AK8: variants seen among roughly 807,000 people sequenced by gnomAD.
AK8 encodes adenylate kinase 8, also known as ATP-AMP transphosphorylase 8.
In AK8, 44 loss-of-function variants were observed where a neutral mutation model predicts 54.6. The observed-to-expected ratio is 0.81, with a 90% CI of 0.63 to 1.04. The LOEUF (loss-of-function observed/expected upper bound fraction) is 1.04, where lower values mean the gene tolerates loss of function less well. Among genes scored for constraint, AK8 ranks in the 50% least tolerant of loss-of-function variants. The pLI, the probability that AK8 is intolerant of heterozygous loss-of-function variation, is 0.00. For synonymous variants in AK8, 239 were observed against 245.6 expected, an observed-to-expected ratio of 0.97 and a Z score of 0.25; for missense variants, 555 against 613.6, an observed-to-expected ratio of 0.90 and a Z score of 1.01.
chr9:132,857,615 T>A (rs1429360611), intron 4 of AK8, among the ~76,000 whole-genome samples: 1 of 152,178 alleles, frequency 6.6e-6, no homozygotes, highest in African/African-American at 2.4e-5. Context: ...ATTCTGGGGC[T>A]GTTTTTCCCA....
At chr9:132,870,100 A>G (rs1843751506) in intron 2 of AK8, among the ~76,000 whole-genome samples, 1 of 152,146 alleles carries the variant, frequency 6.6e-6, no homozygotes, top group African/African-American at 2.4e-5. Flanking sequence ...GACTCCACGC[A>G]TTCATCTGAG....
intron 4 of AK8, among the ~76,000 whole-genome samples, chr9:132,863,302 T>A (rs1246907932): frequency 6.6e-6 from 1 of 152,228 alleles, no homozygotes; most frequent in Non-Finnish European, 1.5e-5. Flanking sequence ...CAACCCTGCA[T>A]CTCCTGGCGC....
At chr9:132,773,973 G>C (rs112827890) in intron 11 of AK8, among the ~76,000 whole-genome samples, 6 of 152,286 alleles carry the variant, frequency 3.9e-5, no homozygotes, top group South Asian at 2.1e-4. Context: ...TAAGGTGTAG[G>C]GGGGAGACGG....
chr9:132,785,694 CA>C (rs1839669860), intron 11 of AK8, among the ~76,000 whole-genome samples: 1 of 114,680 alleles, frequency 8.7e-6, no homozygotes, highest in Non-Finnish European at 2.1e-5. Context: ...AAAGTCATTT[CA>C]GATTGAAGAA....
intron 2 of AK8, among the ~76,000 whole-genome samples, chr9:132,869,198 T>C (rs574847207): frequency 1.4e-4 from 22 of 152,294 alleles, no homozygotes; most frequent in Admixed American, 4.6e-4. Context: ...TATATCTATA[T>C]CTATGTCTAT....
At chr9:132,866,771 G>A (rs1028083424) in intron 3 of AK8, 133 bp downstream of exon 3, 1 of 886,092 alleles carries the variant, frequency 1.1e-6, no homozygotes, top group Admixed American at 2.2e-5. Flanking sequence ...ACTACCTTTT[G>A]TAATAAGAAG....
At chr9:132,771,103 G>C (rs529890702) in intron 11 of AK8, among the ~76,000 whole-genome samples, 1 of 152,190 alleles carries the variant, frequency 6.6e-6, no homozygotes, top group African/African-American at 2.4e-5. Context: ...GTCTCAGTCC[G>C]AGTCCGTCTC....
chr9:132,759,034 C>T (rs1167597231), intron 11 of AK8, among the ~76,000 whole-genome samples: 1 of 151,222 alleles, frequency 6.6e-6, no homozygotes, highest in Non-Finnish European at 1.5e-5. Context: ...CCTGTCTCTA[C>T]AAAAAAATAC....
At chr9:132,774,181 G>C (rs904585650) in intron 11 of AK8, among the ~76,000 whole-genome samples, 4 of 152,108 alleles carry the variant, frequency 2.6e-5, no homozygotes, top group African/African-American at 9.7e-5. Context: ...GAGAGAAAAG[G>C]AGGCACAATG....
chr9:132,725,953 C>T, intron 12 of AK8, 28 bp from the exon 13 acceptor site: 1 of 1,599,450 alleles, frequency 6.3e-7, no homozygotes, highest in Non-Finnish European at 8.5e-7. Context: ...AAGCAGGTGA[C>T]CCATGGCCTG....
chr9:132,803,490 A>G lies in AK8; in HGVS notation c.980-10715T>C, dbSNP rs944631601. On this transcript the variant is annotated intron_variant, in intron 10 of 12. Coordinates refer to ENST00000298545, the MANE Select transcript of AK8 (RefSeq NM_152572.3). The surrounding 1 kb of genome is among the most constrained non-coding windows in gnomAD (Gnocchi z 4.4). The stretch of plus-strand genomic sequence containing the variant: ...GGCAACTCCATTCTTGATAATAATC[A>G]TGGTGAGTAATCAGTGATTACAACC... Among the ~76,000 whole-genome samples, 1 of 152,242 alleles carries G rather than the reference A, an allele frequency of 6.6e-6. No individual in the cohort carries two copies. Among genetic ancestry groups the G allele is most frequent in the African/African-American group, 2.4e-5 (1 of 41,470 alleles).
intron 5 of AK8, among the ~76,000 whole-genome samples, chr9:132,851,183 G>A (rs765664202): frequency 1.1e-4 from 16 of 152,196 alleles, no homozygotes; most frequent in Admixed American, 4.6e-4. Context: ...ATACCTCTGT[G>A]GGGTTTTTCT....
chr9:132,756,952 C>T (rs1040340503), intron 11 of AK8, among the ~76,000 whole-genome samples: 1 of 152,186 alleles, frequency 6.6e-6, no homozygotes, highest in East Asian at 1.9e-4. Flanking sequence ...CATTTCCCCC[C>T]CAAATATTTA....
chr9:132,779,972 A>G lies in AK8; in HGVS notation c.1121+12662T>C, dbSNP rs1385334450. ...TGGGCTGTTGAATGGATGGAATCACATAGGAAACAACTGCATAATCAGCAC... is the reference window on the plus strand; with the variant it reads ...TGGGCTGTTGAATGGATGGAATCACGTAGGAAACAACTGCATAATCAGCAC... On this transcript the variant is annotated intron_variant, in intron 11 of 12. Transcript: ENST00000298545. Among the ~76,000 whole-genome samples, 6 of 152,180 alleles carry G rather than the reference A, an allele frequency of 3.9e-5. No homozygotes were observed. The East Asian group carries it at 1.2e-3, about 29-fold the overall frequency.
At chr9:132,846,509 AT>A (rs1842755772) in intron 5 of AK8, among the ~76,000 whole-genome samples, 1 of 230 alleles carries the variant, frequency 4.3e-3, no homozygotes, top group Non-Finnish European at 7.1e-3. Context: ...GAATAGATGA[AT>A]GAATGAATGA....
chr9:132,769,813 AAG>A (rs2131083665), intron 11 of AK8: 1 of 152,272 alleles, frequency 6.6e-6, no homozygotes, highest in South Asian at 2.1e-4. Context: ...TCCTTTCAGA[AAG>A]AGAATCCTGC....
intron 9 of AK8, among the ~76,000 whole-genome samples, chr9:132,815,074 G>A (rs1468859175): frequency 2.0e-5 from 3 of 152,230 alleles, no homozygotes; most frequent in Non-Finnish European, 4.4e-5. Context: ...CGCCCTCCAG[G>A]GTGCTGCGGA....
rs1842370263 is a variant in AK8 at position 132,837,398 on chromosome 9, C to T, written c.403-8672G>A. On this transcript the variant is annotated intron_variant, in intron 5 of 12. Coordinates refer to ENST00000298545, the MANE Select transcript of AK8 (RefSeq NM_152572.3). The surrounding 1 kb of genome is among the most constrained non-coding windows in gnomAD (Gnocchi z 4.3). ...CTGCCCTTCTGCTGTGGGTGCCCTG[C>T]TAGCTCTCGGGAGCAGACGTGGCAC... is the stretch of plus-strand genomic sequence containing the variant. 6.6e-6 allele frequency among the ~76,000 whole-genome samples: 1 copy of T among 151,890 alleles called. No homozygotes were observed. The highest frequency in any genetic ancestry group is 1.5e-5 in the Non-Finnish European group (1 of 67,994).
chr9:132,834,425 C>T (rs1842234313), intron 5 of AK8, among the ~76,000 whole-genome samples: 1 of 152,178 alleles, frequency 6.6e-6, no homozygotes. Flanking sequence ...ATTCAACTCA[C>T]CTGAAAGATG....
Sources: allele counts gnomAD v4.1 joint callset (sites outside exome capture counted in the v4.1 genomes callset), GRCh38; gene constraint gnomAD v4.1.1; non-coding constraint Gnocchi (gnomAD v3.1); transcripts MANE v1.5; gene names NCBI Gene and HGNC (gene_info 2026-07-23, HGNC 2026-07-21).